GRID2: variants seen among roughly 807,000 people sequenced by gnomAD.
GRID2 encodes glutamate ionotropic receptor delta type subunit 2, also known as glutamate receptor ionotropic, delta-2.
A neutral mutation model predicts 114.8 loss-of-function variants in GRID2; 33 were observed. The ratio of observed to expected loss-of-function variants is 0.29; its 90% confidence interval spans 0.22 to 0.38. The LOEUF (loss-of-function observed/expected upper bound fraction) is 0.38. Among genes scored for constraint, GRID2 ranks in the 10% least tolerant of loss-of-function variants. GRID2 has a pLI of 1.00. For missense variants in GRID2, 1,184 were observed against 1,257.7 expected (o/e 0.94, Z 0.89); for synonymous variants, 505 against 449.9 (o/e 1.12, Z -1.55).
At chr4:92,835,990 A>T (rs999459257) in intron 2 of GRID2, among the ~76,000 whole-genome samples, 1 of 152,166 alleles carries the variant, frequency 6.6e-6, no homozygotes, top group Non-Finnish European at 1.5e-5. Flanking sequence ...TTCTTAAAAA[A>T]TATTGAGAAC....
In GRID2 at chr4:92,740,754, A is replaced by G. The variant is rs144798116; in HGVS notation, c.244+150468A>G. 9.7e-4 allele frequency among the ~76,000 whole-genome samples: 135 copies of G among 138,866 alleles called. 1 individual carries two copies. The highest frequency in any genetic ancestry group is 3.9e-3 in the Middle Eastern group (1 of 256). 91.1% of individuals were successfully genotyped at this position (138,866 alleles called of 152,430 possible). On this transcript the variant is annotated intron_variant, in intron 2 of 15. Coordinates refer to ENST00000282020, the MANE Select transcript of GRID2 (RefSeq NM_001510.4). ...TAGATAGATAGATGGATAGATAGAT[A>G]GACAGATAGATAGATAGAGTTTCAC...
At chr4:92,689,694 TC>T (rs959960711) in intron 2 of GRID2, among the ~76,000 whole-genome samples, 1 of 152,202 alleles carries the variant, frequency 6.6e-6, no homozygotes, top group African/African-American at 2.4e-5. Context: ...AACATTGTCT[TC>T]CAGGAAACCA....
At position 92,943,412 on chromosome 4, in the gene GRID2, C is replaced by T. The variant is rs550862080; in HGVS notation, c.245-141583C>T. On this transcript the variant is annotated intron_variant, in intron 2 of 15. Transcript: ENST00000282020. The stretch of plus-strand genomic sequence containing the variant: ...TGCATTCATCACATAGTTCTCATGC[C>T]ATGGTTTTCAGCTCCATCAGGTCGT... Among the ~76,000 whole-genome samples, 3 of 152,256 alleles carry T rather than the reference C, an allele frequency of 2.0e-5. No individual in the cohort carries two copies. The South Asian group carries it at 6.2e-4, about 32-fold the overall frequency.
At chr4:92,871,344 G>T (rs936227357) in intron 2 of GRID2, among the ~76,000 whole-genome samples, 1 of 151,564 alleles carries the variant, frequency 6.6e-6, no homozygotes, top group Admixed American at 6.6e-5. Flanking sequence ...CAAGTTAAAA[G>T]GTTAAGTAAA....
Position 92,550,797 on chromosome 4 carries a change from G to C in GRID2, c.89-39334G>C, listed in dbSNP as rs142688125. Among the ~76,000 whole-genome samples the C allele has an allele frequency of 2.6e-4, 40 of 152,180 alleles. No individual in the cohort carries two copies. In the East Asian group the frequency reaches 7.1e-3, roughly 27 times the overall value. ...TCTGAAAATCAAAAATGTAATACTT[G>C]AACTAAATTCATTTTAAGATAATAT... is the stretch of plus-strand genomic sequence containing the variant. On this transcript the variant is annotated intron_variant, in intron 1 of 15. Transcript: ENST00000282020.
intron 14 of GRID2, among the ~76,000 whole-genome samples, chr4:93,756,097 G>C (rs1732721165): frequency 6.6e-6 from 1 of 152,092 alleles, no homozygotes; most frequent in African/African-American, 2.4e-5. Flanking sequence ...TTTTTAAAAA[G>C]AAGGATATAA....
intron 13 of GRID2, among the ~76,000 whole-genome samples, chr4:93,619,436 CTT>C (rs1742007416): frequency 6.6e-6 from 1 of 152,160 alleles, no homozygotes. Flanking sequence ...AATCATAACT[CTT>C]TGCGCCTGTG....
intron 8 of GRID2, among the ~76,000 whole-genome samples, chr4:93,277,201 G>T (rs1455178771): frequency 2.0e-5 from 3 of 151,836 alleles, no homozygotes; most frequent in Admixed American, 2.0e-4. Context: ...GCTTAACTCA[G>T]AATTTTAATT....
chr4:92,476,709 G>C (rs1560656963), intron 1 of GRID2, among the ~76,000 whole-genome samples: 1 of 151,986 alleles, frequency 6.6e-6, no homozygotes, highest in Non-Finnish European at 1.5e-5. Flanking sequence ...AAATAACATA[G>C]CATTTAAAGC....
chr4:93,701,386 A>G (rs1041344994), intron 14 of GRID2, among the ~76,000 whole-genome samples: 1 of 152,174 alleles, frequency 6.6e-6, no homozygotes, highest in East Asian at 1.9e-4. Flanking sequence ...ATTCTATAGA[A>G]CATATGCTAT....
intron 13 of GRID2, among the ~76,000 whole-genome samples, chr4:93,550,696 T>C (rs1733672295): frequency 6.6e-6 from 1 of 152,182 alleles, no homozygotes; most frequent in South Asian, 2.1e-4. Context: ...GAGCCCTCTT[T>C]AAAAGATATA....
intron 4 of GRID2, among the ~76,000 whole-genome samples, chr4:93,173,390 C>A (rs1356987398): frequency 6.6e-6 from 1 of 151,568 alleles, no homozygotes; most frequent in African/African-American, 2.4e-5. Context: ...AAATTTATTT[C>A]CTAGCTCATT....
intron 2 of GRID2, among the ~76,000 whole-genome samples, chr4:92,882,847 A>C (rs1464169404): frequency 1.3e-5 from 2 of 152,234 alleles, no homozygotes; most frequent in East Asian, 3.9e-4. Flanking sequence ...AAAAATGCTA[A>C]CAAATAATTT....
chr4:93,382,642 CTACTT>C (rs1398395047), intron 8 of GRID2, among the ~76,000 whole-genome samples: 1 of 151,886 alleles, frequency 6.6e-6, no homozygotes, highest in East Asian at 1.9e-4. Flanking sequence ...TTGATTTCCT[CTACTT>C]TTCTTTTAGT....
intron 2 of GRID2, among the ~76,000 whole-genome samples, chr4:92,609,257 G>A (rs991124788): frequency 6.6e-6 from 1 of 151,562 alleles, no homozygotes; most frequent in Non-Finnish European, 1.5e-5. Context: ...CTTACTATGT[G>A]GTTAAGTTTT....
At chr4:93,341,946 G>T (rs1759700054) in intron 8 of GRID2, among the ~76,000 whole-genome samples, 1 of 152,022 alleles carries the variant, frequency 6.6e-6, no homozygotes, top group South Asian at 2.1e-4. Context: ...ATAGAACAAA[G>T]GATTTTATCC....
At chr4:93,157,548 T>G (rs1737299017) in intron 4 of GRID2, among the ~76,000 whole-genome samples, 1 of 151,792 alleles carries the variant, frequency 6.6e-6, no homozygotes, top group South Asian at 2.1e-4. Context: ...TCTTTCATTC[T>G]TACTGGAAAA....
chr4:93,674,159 T>C (rs1226528737), intron 14 of GRID2, among the ~76,000 whole-genome samples: 2 of 152,206 alleles, frequency 1.3e-5, no homozygotes, highest in East Asian at 3.9e-4. Flanking sequence ...CTCTGAAGTA[T>C]AAAGTCAAAA....
At chr4:92,502,494 A>G (rs1723733853) in intron 1 of GRID2, among the ~76,000 whole-genome samples, 1 of 152,072 alleles carries the variant, frequency 6.6e-6, no homozygotes, top group South Asian at 2.1e-4. Context: ...AAATACATGC[A>G]ACTACATGAT....
Sources: gnomAD v4.1 joint callset for allele counts (sites outside exome capture counted in the v4.1 genomes callset) on GRCh38, gnomAD v4.1.1 for gene constraint, MANE v1.5 for transcripts, NCBI Gene and HGNC (gene_info 2026-07-23, HGNC 2026-07-21) for gene names.